The following NRG4 variants were observed in gnomAD, a reference collection of about 807,000 sequenced individuals.
The protein encoded by NRG4 is pro-neuregulin-4, membrane-bound isoform.
NRG4 carries 10 observed loss-of-function variants against 15.0 expected under a neutral mutation model. The observed-to-expected ratio is 0.67, with a 90% confidence interval of 0.41 to 1.13. The LOEUF (loss-of-function observed/expected upper bound fraction) is 1.13, where lower values mean the gene tolerates loss of function less well. Among genes scored for constraint, NRG4 ranks in the 50% most tolerant of loss-of-function variants. The pLI is 0.00. For missense variants in NRG4, 139 were observed against 140.2 expected (o/e 0.99, Z 0.04); for synonymous variants, 41 against 50.1 (o/e 0.82, Z 0.77).
chr15:75,948,374 A>G (rs1023141870), intron 5 of NRG4, among the ~76,000 whole-genome samples: 3 of 151,668 alleles, frequency 2.0e-5, no homozygotes, highest in Admixed American at 6.6e-5. Flanking sequence ...ATCTCGGCTC[A>G]CTTCATCCTC....
chr15:76,055,027 C>A (rs763320574), intron 2 of NRG4, among the ~76,000 whole-genome samples: 2 of 116,116 alleles, frequency 1.7e-5, no homozygotes, highest in Middle Eastern at 5.4e-3. Context: ...TGCCTATAAT[C>A]CCAGCACTTT....
At chr15:75,978,041 T>C (rs2033442845) in intron 3 of NRG4, among the ~76,000 whole-genome samples, 1 of 152,140 alleles carries the variant, frequency 6.6e-6, no homozygotes, top group African/African-American at 2.4e-5. Flanking sequence ...GGTCTCCAAC[T>C]CCTGACCTCA....
chr15:75,948,320 T>G (rs2031658383), intron 5 of NRG4, among the ~76,000 whole-genome samples: 2 of 150,914 alleles, frequency 1.3e-5, no homozygotes, highest in Non-Finnish European at 3.0e-5. Context: ...TTTATTTATT[T>G]ATTTATTTAT....
chr15:75,983,567 C>T (rs1381613823), intron 3 of NRG4, among the ~76,000 whole-genome samples: 2 of 151,950 alleles, frequency 1.3e-5, no homozygotes, highest in Admixed American at 1.3e-4. Context: ...AAAACTATTG[C>T]TATTTATAGA....
At chr15:75,990,311 T>A (rs1204490787) in intron 3 of NRG4, among the ~76,000 whole-genome samples, 1 of 152,052 alleles carries the variant, frequency 6.6e-6, no homozygotes, top group Non-Finnish European at 1.5e-5. Flanking sequence ...TGACCTCTGA[T>A]CTCTTTCTCC....
At chr15:76,041,827 G>A (rs1179708410) in intron 4 of NRG4, among the ~76,000 whole-genome samples, 1 of 152,002 alleles carries the variant, frequency 6.6e-6, no homozygotes, top group African/African-American at 2.4e-5. Context: ...TAGACCACAT[G>A]GACCAAATAG....
rs2031200921 is a variant in NRG4 at position 75,943,477 on chromosome 15, C to T, written c.*161G>A. On this transcript the variant is annotated 3_prime_UTR_variant, in exon 6 of 6. Coordinates refer to ENST00000394907, the MANE Select transcript of NRG4 (RefSeq NM_138573.4). ...TGGACTGATGCACATTACAGAAGCA[C>T]ACACACCTTGCAGCAGAATGGATTA... is the stretch of plus-strand genomic sequence containing the variant. 2.0e-5 allele frequency: 12 copies of T among 602,398 alleles called. No homozygotes were observed. The highest frequency in any genetic ancestry group is 4.4e-4 in the Middle Eastern group (1 of 2,268). The allele number at this position is 602,398 out of a possible 1,614,324, so 37.3% of individuals were successfully genotyped here. A position where few individuals can be genotyped will look rare whatever the true frequency, so the allele number is the denominator to read the frequency against.
At chr15:76,022,518 T>C (rs76169748) in intron 5 of NRG4, among the ~76,000 whole-genome samples, 2,975 of 152,142 alleles carry the variant, frequency 0.02, 41 homozygotes, top group Non-Finnish European at 0.03. Context: ...TAAGAGTTTG[T>C]AAACAGAGAT....
chr15:75,948,086 C>A (rs2061916486), intron 5 of NRG4, among the ~76,000 whole-genome samples: 1 of 152,078 alleles, frequency 6.6e-6, no homozygotes, highest in Admixed American at 6.6e-5. Context: ...GATTTGTGAA[C>A]CTTTTCTCCC....
At chr15:76,051,067 G>A (rs1002887176) in intron 4 of NRG4, among the ~76,000 whole-genome samples, 9 of 146,106 alleles carry the variant, frequency 6.2e-5, no homozygotes, top group Non-Finnish European at 1.2e-4. Flanking sequence ...GTGCAGTGGC[G>A]GGATCTCGGC....
chr15:76,011,607 T>C (rs969752115), intron 1 of NRG4, among the ~76,000 whole-genome samples: 1 of 152,218 alleles, frequency 6.6e-6, no homozygotes, highest in African/African-American at 2.4e-5. Flanking sequence ...AGTAGAGTAC[T>C]ACATGGAATT....
intron 1 of NRG4, chr15:76,012,091 A>C (rs186172807): frequency 2.0e-5 from 3 of 152,214 alleles, no homozygotes; most frequent in East Asian, 1.9e-4. Context: ...TCTAACAGAA[A>C]TCTCAATCTA....
chr15:75,948,502 T>C (rs1406677134), intron 5 of NRG4, among the ~76,000 whole-genome samples: 2 of 152,052 alleles, frequency 1.3e-5, no homozygotes, highest in Admixed American at 6.5e-5. Context: ...GATTTCACCA[T>C]GCTGGCCAGG....
At chr15:75,939,358 C>T (rs2030703625), downstream of NRG4, 1 of 151,908 alleles carries the variant, frequency 6.6e-6, no homozygotes, top group Non-Finnish European at 1.5e-5. Context: ...CGTACTACTG[C>T]TGAACTATGA....
chr15:75,987,706 T>C (rs2033848167), intron 3 of NRG4, among the ~76,000 whole-genome samples: 1 of 152,216 alleles, frequency 6.6e-6, no homozygotes, highest in Non-Finnish European at 1.5e-5. Flanking sequence ...GTTTAAGCCA[T>C]CTTGTCTATG....
intron 3 of NRG4, among the ~76,000 whole-genome samples, chr15:76,000,329 T>G (rs1033120102): frequency 2.0e-5 from 3 of 152,190 alleles, no homozygotes; most frequent in African/African-American, 7.2e-5. Context: ...TATAAATAAT[T>G]ATCTATAATT....
Position 75,967,456 on chromosome 15 carries a change from A to ATTTT in NRG4, c.105-5486_105-5483dup, listed in dbSNP as rs71140189. ...GTCCAGTTATGAAGCAAAATCTTAG[A>ATTTT]TTTTTTTTTTTTTTTTTTTTTTGAG... On this transcript the variant is annotated intron_variant, in intron 3 of 5. Coordinates refer to ENST00000394907, the MANE Select transcript of NRG4 (RefSeq NM_138573.4). Among the ~76,000 whole-genome samples, 310 of 100,142 alleles carry ATTTT rather than the reference A, an allele frequency of 3.1e-3. 3 individuals are homozygous for ATTTT. Among genetic ancestry groups the ATTTT allele is most frequent in the East Asian group, 7.9e-3 (24 of 3,052 alleles). The allele number at this position is 100,142 out of a possible 152,430, so 65.7% of individuals were successfully genotyped here. A position where few individuals can be genotyped will look rare whatever the true frequency, so the allele number is the denominator to read the frequency against.
At chr15:76,046,188 A>G (rs1213111950) in intron 4 of NRG4, among the ~76,000 whole-genome samples, 1 of 151,150 alleles carries the variant, frequency 6.6e-6, no homozygotes, top group Admixed American at 6.6e-5. Flanking sequence ...GAAACTGATG[A>G]AAGAAATTGA....
At chr15:75,940,606 T>TA (rs769235086), downstream of NRG4, 3 of 152,132 alleles carry the variant, frequency 2.0e-5, no homozygotes, top group Non-Finnish European at 4.4e-5. Flanking sequence ...AATGCTACAG[T>TA]AATCAAAACA....
Sources: allele counts gnomAD v4.1 joint callset (sites outside exome capture counted in the v4.1 genomes callset), GRCh38; gene constraint gnomAD v4.1.1; transcripts MANE v1.5; gene names NCBI Gene and HGNC (gene_info 2026-07-23, HGNC 2026-07-21).